Variants in EP400 observed in about 807,000 individuals in gnomAD.
EP400 encodes the protein E1A-binding protein p400.
A neutral mutation model predicts 354.1 loss-of-function variants in EP400; 105 were observed. The observed-to-expected ratio is 0.30, with a 90% CI of 0.25 to 0.35. The LOEUF (loss-of-function observed/expected upper bound fraction) is 0.35, where lower values mean the gene tolerates loss of function less well. Among genes scored for constraint, EP400 ranks in the 10% least tolerant of loss-of-function variants. The pLI, the probability that EP400 is intolerant of heterozygous loss-of-function variation, is 1.00. For synonymous variants in EP400, 1,646 were observed against 1,716.9 expected (o/e 0.96, Z 1.02); for missense variants, 3,280 against 4,121.0 (o/e 0.80, Z 5.59).
chr12:132,014,037 G>C (rs73162984), intron 19 of EP400, 124 bp downstream of exon 19: 2 of 1,330,474 alleles, frequency 1.5e-6, no homozygotes, highest in African/African-American at 2.9e-5. Context: ...GCTGGAGACC[G>C]AGGCACCCTC....
intron 51 of EP400, among the ~76,000 whole-genome samples, chr12:132,074,444 G>C (rs892754560): frequency 6.6e-6 from 1 of 152,026 alleles, no homozygotes; most frequent in Non-Finnish European, 1.5e-5. Flanking sequence ...CTTTGTCTTT[G>C]TTGTTCTGGG....
At chr12:131,999,212 C>T (rs1467118328) in intron 12 of EP400, among the ~76,000 whole-genome samples, 2 of 151,998 alleles carry the variant, frequency 1.3e-5, no homozygotes, top group Non-Finnish European at 2.9e-5. Context: ...TGGTGTTTTT[C>T]TCAGTTGTAA....
At chr12:132,010,154 C>G (rs534708921) in intron 15 of EP400, among the ~76,000 whole-genome samples, 15 of 145,982 alleles carry the variant, frequency 1.0e-4, no homozygotes, top group Admixed American at 7.0e-4. Context: ...GTGGCGTGAT[C>G]TCAGCTCACT....
chr12:131,990,092 G>A lies in EP400; in HGVS notation c.2538G>A (p.Ser846=), dbSNP rs200668454. The A allele has an allele frequency of 3.1e-6, 5 of 1,609,328 alleles. No homozygotes were observed. Among genetic ancestry groups the A allele is most frequent in the Admixed American group, 1.7e-5 (1 of 58,336 alleles). ...CCCGGGAGATAGAGTGCTTTTGGTC[G>A]AATATTGAACAGGCGAGTGCTGCCG... ...STAREIECFW[S]NIEQVVEIKL... The change falls in exon 8 of 53, where the codon TCG becomes TCA. Residue 846 remains serine (S), a synonymous_variant. Coordinates refer to ENST00000389561, the MANE Select transcript of EP400 (RefSeq NM_015409.5). The surrounding 1 kb of genome is among the most constrained non-coding windows in gnomAD (Gnocchi z 4.2).
At chr12:131,997,540 G>A (rs1893255843) in intron 12 of EP400, among the ~76,000 whole-genome samples, 1 of 152,144 alleles carries the variant, frequency 6.6e-6, no homozygotes, top group South Asian at 2.1e-4. Flanking sequence ...ACAGGTGTGA[G>A]CCATCGTGCC....
chr12:132,020,253 T>TG (rs750020751), intron 22 of EP400, 35 bp downstream of exon 22: 1 of 1,540,310 alleles, frequency 6.5e-7, no homozygotes, highest in Non-Finnish European at 8.8e-7. Flanking sequence ...CTCCGCCTTA[T>TG]GGAGGTTTTT....
In EP400 at chr12:132,044,726, C is replaced by T. The variant is rs1895026218; in HGVS notation, c.6630+11C>T. 6.2e-7 allele frequency: 1 copy of T among 1,614,218 alleles called. No homozygotes were observed. Among genetic ancestry groups the T allele is most frequent in the East Asian group, 2.2e-5 (1 of 44,874 alleles). ...ACAGAAGTCATGCCGGTGAGTGCTG[C>T]CCTCTCCCTTTGTGTCTGTGTGGGC... On this transcript the variant is annotated intron_variant, in intron 36 of 52. Transcript: ENST00000389561.
intron 2 of EP400, among the ~76,000 whole-genome samples, chr12:131,974,164 A>G (rs771584283): frequency 7.2e-5 from 11 of 151,778 alleles, no homozygotes; most frequent in Admixed American, 1.3e-4. Flanking sequence ...TTTTTAGTAG[A>G]GATGGGGTTT....
In EP400 at chr12:131,982,336, C is replaced by T. The variant is rs1052071466; in HGVS notation, c.1787C>T (p.Thr596Ile). Residue 596 changes from threonine to isoleucine, a missense_variant, in exon 5 of 53, where the codon ACT becomes ATT. Physicochemically the swap from Thr to Ile is moderately conservative, Grantham distance 89. This residue lies in a region of EP400 where 800 missense variants were observed against 840.0 expected (regional missense o/e 0.95). Coordinates refer to ENST00000389561, the MANE Select transcript of EP400 (RefSeq NM_015409.5). ...ACACAGCTCCAAATCCCGGTGAAGA[C>T]TCAGCAGCCCAATGTTCCCATCCCT... Reference protein sequence around the residue: ...AQTQLQIPVKTQQPNVPIPAP... With the variant: ...AQTQLQIPVKIQQPNVPIPAP... 6.2e-7 allele frequency: 1 copy of T among 1,614,052 alleles called. No individual in the cohort carries two copies. The highest frequency in any genetic ancestry group is 1.7e-5 in the Admixed American group (1 of 60,010).
At chr12:132,047,515 G>A (rs996343924) in intron 39 of EP400, among the ~76,000 whole-genome samples, 2 of 152,186 alleles carry the variant, frequency 1.3e-5, no homozygotes, top group East Asian at 1.9e-4. Flanking sequence ...TGCCCCCTGA[G>A]CAGTAAAACC....
In EP400 at chr12:132,006,149, G is replaced by A. The variant is rs1215210191; in HGVS notation, c.2973G>A (p.Lys991=). 4.3e-6 allele frequency: 7 copies of A among 1,614,080 alleles called. No individual in the cohort carries two copies. Among genetic ancestry groups the A allele is most frequent in the Non-Finnish European group, 5.9e-6 (7 of 1,180,038 alleles). The part of the protein sequence containing the change: ...DDCPGDRESR[K]DLVLIDSLFI... ...GTCCAGGCGACAGGGAGAGTCGCAA[G>A]GACTTGGTTCTCATCGACTCGCTTT... The change falls in exon 14 of 53, where the codon AAG becomes AAA. Residue 991 remains lysine (K), a synonymous_variant. Transcript: ENST00000389561.
Position 131,979,756 on chromosome 12 carries a change from T to C in EP400, c.1398T>C (p.Phe466=), listed in dbSNP as rs1892615408. ...GAAGCACAGTAGAGACGGACCTGTT[T>C]AAGAGGCAGCAGGCGATGCCCTCCA... is the stretch of plus-strand genomic sequence containing the variant. The part of the protein sequence containing the change: ...GAGSTVETDL[F]KRQQAMPSTG... Residue 466 remains phenylalanine (F), a synonymous_variant, in exon 3 of 53, where the codon TTT becomes TTC. Transcript: ENST00000389561. 1 of 1,609,100 alleles carries C rather than the reference T, an allele frequency of 6.2e-7. No homozygotes were observed. Among genetic ancestry groups the C allele is most frequent in the Non-Finnish European group, 8.5e-7 (1 of 1,177,690 alleles).
intron 51 of EP400, among the ~76,000 whole-genome samples, chr12:132,074,214 C>T (rs1385438678): frequency 1.3e-5 from 2 of 152,088 alleles, no homozygotes; most frequent in African/African-American, 4.8e-5. Flanking sequence ...CATGAGCCAC[C>T]GCGCCCGGTC....
chr12:131,981,382 A>G (rs1892676317), intron 3 of EP400, 107 bp from the exon 4 acceptor site: 3 of 814,574 alleles, frequency 3.7e-6, no homozygotes, highest in Non-Finnish European at 5.9e-6. Flanking sequence ...GTTCATGTAT[A>G]GAAAGGCCTC....
chr12:132,028,819 C>G (rs567994494), intron 27 of EP400: 1 of 156,522 alleles, frequency 6.4e-6, no homozygotes, highest in South Asian at 1.9e-4. Flanking sequence ...TCTCCAGGCT[C>G]CACTTCAGAC....
intron 2 of EP400, chr12:131,963,400 C>G: frequency 1.5e-6 from 1 of 663,096 alleles, no homozygotes; most frequent in Admixed American, 2.4e-5. Flanking sequence ...TATCCTTTCA[C>G]AGGAATTGAT....
In EP400 at chr12:132,017,734, T is replaced by C; in HGVS notation, c.4110+13T>C. On this transcript the variant is annotated intron_variant, in intron 20 of 52. Transcript: ENST00000389561. The surrounding 1 kb of genome is among the most constrained non-coding windows in gnomAD (Gnocchi z 5.0). ...AGATTTCTGGAAGGTAAGTGGAGGA[T>C]CCAGAAAGCGGAATTACTGTTGGAT... 6.6e-7 allele frequency: 1 copy of C among 1,511,186 alleles called. No individual in the cohort carries two copies. The highest frequency in any genetic ancestry group is 1.3e-5 in the South Asian group (1 of 75,158). 93.6% of individuals were successfully genotyped at this position (1,511,186 alleles called of 1,614,324 possible).
At chr12:132,060,914 CAA>C (rs11305330) in intron 45 of EP400, among the ~76,000 whole-genome samples, 56 of 110,396 alleles carry the variant, frequency 5.1e-4, no homozygotes, top group East Asian at 1.0e-3. Flanking sequence ...GACTCCGTCT[CAA>C]AAAAAAAAAA....
chr12:131,958,560 ACTT>A (rs1184958476), intron 1 of EP400, among the ~76,000 whole-genome samples: 1 of 152,158 alleles, frequency 6.6e-6, no homozygotes, highest in African/African-American at 2.4e-5. Flanking sequence ...ACGTTTTGTA[ACTT>A]CTTTTTTTGG....
Sources: allele counts gnomAD v4.1 joint callset (sites outside exome capture counted in the v4.1 genomes callset), GRCh38; gene constraint gnomAD v4.1.1; regional missense constraint gnomAD v4.1.1; non-coding constraint Gnocchi (gnomAD v3.1); transcripts MANE v1.5; gene names NCBI Gene and HGNC (gene_info 2026-07-23, HGNC 2026-07-21).